Variants in PFKFB3 observed in about 807,000 individuals in gnomAD.
PFKFB3 encodes 6-phosphofructo-2-kinase/fructose-2,6-bisphosphatase 3.
Under a neutral mutation model 68.0 loss-of-function variants are expected in PFKFB3, and 33 were observed. The ratio of observed to expected loss-of-function variants is 0.49; its 90% CI spans 0.37 to 0.65. The LOEUF (loss-of-function observed/expected upper bound fraction) is 0.65, where lower values mean the gene tolerates loss of function less well. PFKFB3 is among the 30% of genes least tolerant of loss of function. The probability of loss-of-function intolerance (pLI) is 0.00; values close to 1 mark genes in which losing one functional copy is unlikely to be tolerated. For synonymous variants in PFKFB3, 315 were observed against 288.2 expected (o/e 1.09, Z -0.94); for missense variants, 586 against 712.2 (o/e 0.82, Z 2.02).
the PFKFB3 span, among the ~76,000 whole-genome samples, chr10:6,272,609 T>G: frequency 4.6e-5 from 7 of 151,872 alleles, no homozygotes; most frequent in African/African-American, 1.7e-4. Context: ...GCAGGAGAAT[T>G]GTTTGAACCC....
rs756538480 is a variant in PFKFB3, at chr10:6,213,649, C to T, written c.103C>T (p.Pro35Ser). Residue 35 changes from proline (P) to serine (S), a missense_variant, in exon 2 of 15, where the codon CCC becomes TCC. Pro to Ser is a moderately conservative substitution (Grantham distance 74, BLOSUM62 -1). Transcript: ENST00000379775. ...CTGTGGGCCAAAGCTGACCAACTCC[C>T]CCACCGTCATCGTCATGGTGGGCCT... ...RSCGPKLTNSPTVIVMVGLPA... is the reference protein window; with the variant it reads ...RSCGPKLTNSSTVIVMVGLPA... 1.9e-6 allele frequency: 3 copies of T among 1,613,252 alleles called. No individual in the cohort carries two copies. The highest frequency in any genetic ancestry group is 2.5e-6 in the Non-Finnish European group (3 of 1,179,682).
intron 13 of PFKFB3, chr10:6,224,542 G>A (rs1183194942): frequency 4.0e-5 from 19 of 477,988 alleles, no homozygotes; most frequent in African/African-American, 1.2e-4. Flanking sequence ...GTGCGGTGGC[G>A]CAGTCACGGC....
At chr10:6,298,703 G>T in the PFKFB3 span, among the ~76,000 whole-genome samples, 1 of 152,126 alleles carries the variant, frequency 6.6e-6, no homozygotes, top group Non-Finnish European at 1.5e-5. Context: ...GAAAGGCCAG[G>T]CCTGGATCTT....
the PFKFB3 span, chr10:6,294,775 C>A: frequency 6.6e-6 from 1 of 152,442 alleles, no homozygotes; most frequent in Non-Finnish European, 1.5e-5. Flanking sequence ...TCAAGCCTCT[C>A]CTTTTGATTC....
chr10:6,174,026 G>A (rs1842387456), intron 1 of PFKFB3, among the ~76,000 whole-genome samples: 1 of 152,056 alleles, frequency 6.6e-6, no homozygotes, highest in African/African-American at 2.4e-5. Context: ...GATGTGTGCG[G>A]GAGTTGAGAT....
Position 6,224,595 on chromosome 10 carries a change from C to T in PFKFB3, c.1341+382C>T, listed in dbSNP as rs1359396305. On this transcript the variant is annotated intron_variant, in intron 13 of 14. Transcript: ENST00000379775. Reference sequence around the variant, plus strand: ...TCCTGGGTTCAAGTGATCCTCCCGCCTCAGCCTCCCGCGTAGCTGAGACTA... The same window carrying T: ...TCCTGGGTTCAAGTGATCCTCCCGCTTCAGCCTCCCGCGTAGCTGAGACTA... 2.6e-5 allele frequency: 11 copies of T among 416,366 alleles called. No homozygotes were observed. In the Admixed American group the frequency reaches 2.9e-4, roughly 11 times the overall value. 25.8% of individuals were successfully genotyped at this position (416,366 alleles called of 1,614,324 possible).
chr10:6,169,683 A>G (rs944456910), intron 1 of PFKFB3, among the ~76,000 whole-genome samples: 1 of 152,136 alleles, frequency 6.6e-6, no homozygotes, highest in Admixed American at 6.6e-5. Flanking sequence ...AGAGGCTTAC[A>G]AACATGTGGA....
intron 1 of PFKFB3, among the ~76,000 whole-genome samples, chr10:6,167,952 G>A (rs643867): frequency 2.8e-5 from 4 of 140,936 alleles, no homozygotes; most frequent in South Asian, 2.5e-4. Flanking sequence ...TCCCTAGGTC[G>A]TTCCTGCTTT....
chr10:6,153,007 C>A (rs1280452824), intron 1 of PFKFB3, among the ~76,000 whole-genome samples: 1 of 151,984 alleles, frequency 6.6e-6, no homozygotes, highest in Non-Finnish European at 1.5e-5. Context: ...TGGTGAAACC[C>A]CATCTCTACT....
In PFKFB3 at chr10:6,223,828, G is replaced by A. The variant is rs1310260646; in HGVS notation, c.1214-130G>A. ...GATGGGGTTTTGCCATGTTGGTCAG[G>A]CTGGTCTTGAACTCCTGACCTCAGG... On this transcript the variant is annotated intron_variant, in intron 11 of 14. Transcript: ENST00000379775. 3.9e-6 allele frequency: 3 copies of A among 769,940 alleles called. No homozygotes were observed. In the African/African-American group the frequency reaches 5.1e-5, roughly 13 times the overall value. The allele number at this position is 769,940 out of a possible 1,614,324, so 47.7% of individuals were successfully genotyped here. A position where few individuals can be genotyped will look rare whatever the true frequency, so the allele number is the denominator to read the frequency against.
rs1846226949 is a variant in PFKFB3 at position 6,245,178 on chromosome 10, CCT to C, written c.1516-8997_1516-8996del. On this transcript the variant is annotated intron_variant, in intron 14 of 14. Coordinates refer to the PFKFB3 transcript ENST00000640683. ...GTGGCACGATCTCAGCTCACTGCAACCTCTGTCTCCTGAGTTCAAGCAATTCT... is the reference window on the plus strand; with the variant it reads ...GTGGCACGATCTCAGCTCACTGCAACCTGTCTCCTGAGTTCAAGCAATTCT... Among the ~76,000 whole-genome samples, 5 of 150,562 alleles carry C rather than the reference CCT, an allele frequency of 3.3e-5. No homozygotes were observed. In the South Asian group the frequency reaches 1.1e-3, roughly 32 times the overall value.
chr10:6,325,688 G>A, the PFKFB3 span, among the ~76,000 whole-genome samples: 27 of 152,298 alleles, frequency 1.8e-4, no homozygotes, highest in African/African-American at 5.5e-4. Flanking sequence ...ACTGTGTTCC[G>A]TTAATGCTCA....
chr10:6,182,801 C>T (rs555372201), intron 1 of PFKFB3, among the ~76,000 whole-genome samples: 14 of 152,326 alleles, frequency 9.2e-5, no homozygotes, highest in South Asian at 2.1e-4. Flanking sequence ...CAGTGAAGTT[C>T]GCCTTGCAGT....
downstream of PFKFB3, chr10:6,254,768 T>C (rs1846463087): frequency 6.4e-6 from 1 of 157,036 alleles, no homozygotes; most frequent in African/African-American, 2.4e-5. Flanking sequence ...TGTTCTCAAC[T>C]GCATCTTTGA....
Position 6,210,544 on chromosome 10 carries a change from T to TAG in PFKFB3, c.77-3077_77-3076dup, listed in dbSNP as rs1844137424. The stretch of plus-strand genomic sequence containing the variant: ...GCCGGCTAATTTTTTGTGTTTTTAA[T>TAG]AGACGGGGTTTCGCCATGTTAGCCA... On this transcript the variant is annotated intron_variant, in intron 1 of 14. Transcript: ENST00000379775. 2.0e-5 allele frequency among the ~76,000 whole-genome samples: 2 copies of TAG among 98,950 alleles called. 1 individual carries two copies. The highest frequency in any genetic ancestry group is 5.1e-5 in the Non-Finnish European group (2 of 39,208). 64.9% of individuals were successfully genotyped at this position (98,950 alleles called of 152,430 possible).
At chr10:6,179,696 A>C (rs888221211) in intron 1 of PFKFB3, among the ~76,000 whole-genome samples, 1 of 152,174 alleles carries the variant, frequency 6.6e-6, no homozygotes, top group African/African-American at 2.4e-5. Context: ...GCACTGGTAA[A>C]CCAAGGTGCC....
At chr10:6,319,567 G>C in the PFKFB3 span, among the ~76,000 whole-genome samples, 1 of 152,206 alleles carries the variant, frequency 6.6e-6, no homozygotes, top group Non-Finnish European at 1.5e-5. Flanking sequence ...CCATTTGGGT[G>C]ATGGTTACCC....
intron 14 of PFKFB3, chr10:6,231,346 G>A (rs766319394): frequency 3.1e-6 from 5 of 1,611,336 alleles, no homozygotes; most frequent in South Asian, 2.2e-5. Context: ...CCTCTGTCCC[G>A]CACCGCGTCA....
chr10:6,169,652 G>A (rs1165879222), intron 1 of PFKFB3, among the ~76,000 whole-genome samples: 1 of 152,132 alleles, frequency 6.6e-6, no homozygotes, highest in Non-Finnish European at 1.5e-5. Flanking sequence ...TAAGAATTCG[G>A]TGATGTATCC....
Sources: gnomAD v4.1 joint callset for allele counts (sites outside exome capture counted in the v4.1 genomes callset) on GRCh38, gnomAD v4.1.1 for gene constraint, MANE v1.5 for transcripts, NCBI Gene and HGNC (gene_info 2026-07-23, HGNC 2026-07-21) for gene names.